The following PKD1L1 variants were observed in gnomAD, a reference collection of about 807,000 sequenced individuals.
PKD1L1 encodes polycystin 1 like 1, transient receptor potential channel interacting, also known as polycystin-1-like protein 1.
PKD1L1 carries 236 observed loss-of-function variants against 323.4 expected under a neutral mutation model. The ratio of observed to expected loss-of-function variants is 0.73; its 90% confidence interval spans 0.66 to 0.81. The LOEUF is 0.81. PKD1L1 is among the 40% of genes least tolerant of loss of function. The pLI is 0.00. For synonymous variants in PKD1L1, 1,344 were observed against 1,335.0 expected, an observed-to-expected ratio of 1.01 and a Z score of -0.15; for missense variants, 3,320 against 3,508.0, an observed-to-expected ratio of 0.95 and a Z score of 1.35.
chr7:47,788,138 C>G (rs932355559), intron 56 of PKD1L1, among the ~76,000 whole-genome samples: 3 of 151,284 alleles, frequency 2.0e-5, no homozygotes, highest in African/African-American at 7.3e-5. Flanking sequence ...TTAAAAATAT[C>G]GATTTCATTT....
intron 19 of PKD1L1, among the ~76,000 whole-genome samples, chr7:47,882,695 G>C (rs1488746589): frequency 1.5e-5 from 2 of 133,544 alleles, no homozygotes; most frequent in African/African-American, 5.4e-5. Context: ...GGGAGGGAGG[G>C]AGGGAGGGCA....
intron 52 of PKD1L1, among the ~76,000 whole-genome samples, chr7:47,805,684 C>G (rs1294848218): frequency 2.0e-5 from 3 of 152,224 alleles, no homozygotes; most frequent in Admixed American, 6.5e-5. Context: ...GGACCATGTC[C>G]TTGGAGGGCC....
Position 47,890,710 on chromosome 7 carries a change from G to A in PKD1L1, c.2507C>T (p.Ser836Phe), listed in dbSNP as rs754776382. 2.9e-5 allele frequency: 46 copies of A among 1,613,380 alleles called. No individual in the cohort carries two copies. The highest frequency in any genetic ancestry group is 3.8e-5 in the Non-Finnish European group (45 of 1,180,046). The change falls in exon 16 of 57, where the codon TCC becomes TTC. Residue 836 changes from serine (S) to phenylalanine (F), a missense_variant. Ser to Phe is a radical substitution (Grantham distance 155, BLOSUM62 -2). Transcript: ENST00000289672. ...AGSPAHPCFD[S>F]STAHQLDAAA... ...GGCATCCAGTTGGTGTGCAGTGGAG[G>A]AGTCGAAGCAGGGATGTGCTGGGGA... is the stretch of plus-strand genomic sequence containing the variant.
intron 50 of PKD1L1, among the ~76,000 whole-genome samples, chr7:47,811,151 CTTCTTT>C (rs755636087): frequency 2.3e-5 from 2 of 87,838 alleles, no homozygotes. Flanking sequence ...TAAATGTCTC[CTTCTTT>C]TTTTTTTTTT....
intron 26 of PKD1L1, among the ~76,000 whole-genome samples, chr7:47,859,997 T>G (rs1184556815): frequency 1.3e-5 from 2 of 152,228 alleles, no homozygotes; most frequent in African/African-American, 4.8e-5. Flanking sequence ...TATGGTAGTA[T>G]AATACGTCTA....
At chr7:47,860,016 C>A (rs566543435) in intron 26 of PKD1L1, among the ~76,000 whole-genome samples, 3 of 152,304 alleles carry the variant, frequency 2.0e-5, no homozygotes, top group South Asian at 4.1e-4. Flanking sequence ...TATCACCCAA[C>A]TTTAACAATT....
intron 19 of PKD1L1, 107 bp downstream of exon 19, chr7:47,884,491 G>A (rs1250104343): frequency 3.1e-6 from 3 of 966,412 alleles, no homozygotes; most frequent in East Asian, 5.0e-5. Context: ...GTGATTCTGT[G>A]GAGCTCTCAG....
intron 9 of PKD1L1, 69 bp downstream of exon 9, chr7:47,908,008 T>C: frequency 6.8e-7 from 1 of 1,480,770 alleles, no homozygotes; most frequent in Non-Finnish European, 9.1e-7. Context: ...ACAGTATAAG[T>C]AAAGCGGAGA....
rs1390706292 is a variant in PKD1L1, at chr7:47,839,773, G to A, written c.5553-111C>T. 1 of 1,061,486 alleles carries A rather than the reference G, an allele frequency of 9.4e-7. No individual in the cohort carries two copies. The highest frequency in any genetic ancestry group is 2.2e-5 in the Admixed American group (1 of 45,518). The allele number at this position is 1,061,486 out of a possible 1,614,324, so 65.8% of individuals were successfully genotyped here. A position where few individuals can be genotyped will look rare whatever the true frequency, so the allele number is the denominator to read the frequency against. On this transcript the variant is annotated intron_variant, in intron 35 of 56. Coordinates refer to ENST00000289672, the MANE Select transcript of PKD1L1 (RefSeq NM_138295.5). The surrounding 1 kb of genome is among the most constrained non-coding windows in gnomAD (Gnocchi z 4.3). Reference sequence around the variant, plus strand: ...CACTGATGGCCCACAGAGGGTGGATGGGACATGTCAAAGGTGACTGACATG... The same window carrying A: ...CACTGATGGCCCACAGAGGGTGGATAGGACATGTCAAAGGTGACTGACATG...
intron 21 of PKD1L1, among the ~76,000 whole-genome samples, chr7:47,878,918 G>A (rs1481016846): frequency 6.6e-6 from 1 of 152,236 alleles, no homozygotes; most frequent in Non-Finnish European, 1.5e-5. Context: ...GTGGGCCATG[G>A]AGAGACTCTC....
chr7:47,882,009 C>T lies in PKD1L1; in HGVS notation c.3342G>A (p.Val1114=). 6.2e-7 allele frequency: 1 copy of T among 1,614,096 alleles called. No individual in the cohort carries two copies. Among genetic ancestry groups the T allele is most frequent in the Non-Finnish European group, 8.5e-7 (1 of 1,179,994 alleles). The change falls in exon 20 of 57, where the codon GTG becomes GTA. Residue 1114 remains valine (V), a synonymous_variant. Transcript: ENST00000289672. ...CTCTGCCTGCAGACAGGGAGGGGTC[C>T]ACCAGGTTATCCCCATCTCCAGGGC... ...EESPGDGDNL[V]DPSLSAGRAE...
At position 47,898,063 on chromosome 7, in the gene PKD1L1, A is replaced by G. The variant is rs543832083; in HGVS notation, c.2196T>C (p.Ala732=). The G allele has an allele frequency of 2.5e-5, 41 of 1,613,964 alleles. No individual in the cohort carries two copies. Among genetic ancestry groups the G allele is most frequent in the South Asian group, 2.2e-4 (20 of 91,062 alleles). The part of the protein sequence containing the change: ...SEGLPVSLPA[A]VDTHRQTLIL... ...TGAGGGTCTGTCTGTGAGTGTCCACAGCAGCAGGGAGGGAGACAGGGAGCC... is the reference window on the plus strand; with the variant it reads ...TGAGGGTCTGTCTGTGAGTGTCCACGGCAGCAGGGAGGGAGACAGGGAGCC... The change falls in exon 14 of 57, where the codon GCT becomes GCC. Residue 732 remains alanine (A), a synonymous_variant. Transcript: ENST00000289672.
intron 45 of PKD1L1, among the ~76,000 whole-genome samples, chr7:47,825,856 T>C (rs1230023264): frequency 2.0e-5 from 3 of 152,102 alleles, no homozygotes; most frequent in African/African-American, 7.2e-5. Flanking sequence ...ATGATATTGG[T>C]TTTTGTCTTT....
chr7:47,831,856 A>T (rs1785354975), intron 41 of PKD1L1, among the ~76,000 whole-genome samples: 1 of 152,210 alleles, frequency 6.6e-6, no homozygotes, highest in African/African-American at 2.4e-5. Context: ...CTGGAATCTG[A>T]GGGTCTGCCC....
intron 36 of PKD1L1, among the ~76,000 whole-genome samples, chr7:47,838,330 C>T (rs145532551): frequency 1.6e-3 from 249 of 152,290 alleles, no homozygotes; most frequent in African/African-American, 5.7e-3. Context: ...TGGCAAGGTC[C>T]GGCGACACTG....
chr7:47,862,232 C>T (rs1189943431), intron 26 of PKD1L1, among the ~76,000 whole-genome samples: 2 of 152,056 alleles, frequency 1.3e-5, no homozygotes, highest in African/African-American at 4.8e-5. Flanking sequence ...CCTCAAACTA[C>T]TAGAAAGCCA....
chr7:47,792,603 A>G (rs757475639), intron 56 of PKD1L1, 24 bp downstream of exon 56: 8 of 1,566,736 alleles, frequency 5.1e-6, no homozygotes, highest in South Asian at 2.3e-5. Context: ...GAAAATTGAC[A>G]TAAATAATTT....
chr7:47,877,583 T>C lies in PKD1L1; in HGVS notation c.3569A>G (p.Asn1190Ser), dbSNP rs772437013. ...LGKAQLYLTV[N>S]PAPRDMACQV... Reference sequence around the variant, plus strand: ...ACAGGCCATGTCCCGAGGAGCCGGGTTGACTGTCAAGTACAGCTGAGCTTT... The same window carrying C: ...ACAGGCCATGTCCCGAGGAGCCGGGCTGACTGTCAAGTACAGCTGAGCTTT... The change falls in exon 22 of 57, where the codon AAC becomes AGC. Residue 1190 changes from asparagine (N) to serine (S), a missense_variant. Coordinates refer to ENST00000289672, the MANE Select transcript of PKD1L1 (RefSeq NM_138295.5). 6.8e-6 allele frequency: 11 copies of C among 1,613,974 alleles called. No individual in the cohort carries two copies. The highest frequency in any genetic ancestry group is 4.5e-5 in the East Asian group (2 of 44,886).
intron 1 of PKD1L1, among the ~76,000 whole-genome samples, chr7:47,944,579 G>A (rs545691027): frequency 6.6e-6 from 1 of 152,378 alleles, no homozygotes; most frequent in South Asian, 2.1e-4. Context: ...CAAAGCCGAT[G>A]CCAATTCTAT....
Sources: gnomAD v4.1 joint callset for allele counts (sites outside exome capture counted in the v4.1 genomes callset) on GRCh38, gnomAD v4.1.1 for gene constraint, Gnocchi (gnomAD v3.1) non-coding constraint, MANE v1.5 for transcripts, NCBI Gene and HGNC (gene_info 2026-07-23, HGNC 2026-07-21) for gene names.